ZFAT: variants seen among roughly 807,000 people sequenced by gnomAD.
ZFAT encodes zinc finger protein ZFAT.
In ZFAT, 64 loss-of-function variants were observed where a neutral mutation model predicts 117.7. That is an observed-to-expected ratio of 0.54 (90% CI 0.44 to 0.67). ZFAT has a LOEUF of 0.67. ZFAT is among the 30% of genes least tolerant of loss of function. The pLI is 0.00. For synonymous variants in ZFAT, 679 were observed against 615.0 expected (o/e 1.10, Z -1.54); for missense variants, 1,433 against 1,584.5 (o/e 0.90, Z 1.62).
chr8:134,743,587 G>T, the ZFAT span, among the ~76,000 whole-genome samples: 2 of 152,176 alleles, frequency 1.3e-5, no homozygotes, highest in Admixed American at 6.5e-5. Flanking sequence ...ATACCTAATT[G>T]CAGCAAAGTG....
At chr8:134,799,752 A>G in the ZFAT span, among the ~76,000 whole-genome samples, 1 of 152,196 alleles carries the variant, frequency 6.6e-6, no homozygotes, top group Non-Finnish European at 1.5e-5. Flanking sequence ...CAACAATATC[A>G]AAGATTCAAA....
intron 15 of ZFAT, among the ~76,000 whole-genome samples, chr8:134,487,285 C>T (rs1449168537): frequency 6.6e-6 from 1 of 152,156 alleles, no homozygotes; most frequent in East Asian, 1.9e-4. Flanking sequence ...ACTACTTGCC[C>T]CCTGGTTTAC....
At chr8:134,524,151 A>G (rs1820857314) in intron 12 of ZFAT, among the ~76,000 whole-genome samples, 1 of 151,978 alleles carries the variant, frequency 6.6e-6, no homozygotes, top group Non-Finnish European at 1.5e-5. Flanking sequence ...CTCTCCTTGG[A>G]CTTCTGCACC....
At chr8:134,777,451 G>A in the ZFAT span, among the ~76,000 whole-genome samples, 1 of 152,002 alleles carries the variant, frequency 6.6e-6, no homozygotes, top group African/African-American at 2.4e-5. Context: ...TAAGTCACAC[G>A]TACCTTGGCC....
the ZFAT span, among the ~76,000 whole-genome samples, chr8:134,747,996 T>G: frequency 2.0e-5 from 3 of 152,260 alleles, no homozygotes; most frequent in Admixed American, 6.5e-5. Context: ...TAGTTGGATC[T>G]GTCCATAATA....
intron 11 of ZFAT, among the ~76,000 whole-genome samples, chr8:134,553,983 G>C (rs1362650477): frequency 6.6e-6 from 1 of 152,194 alleles, no homozygotes; most frequent in Non-Finnish European, 1.5e-5. Context: ...CTCTCATGGG[G>C]ACAGTCCCAA....
chr8:134,558,334 T>A (rs1455819783), intron 11 of ZFAT, among the ~76,000 whole-genome samples: 1 of 152,336 alleles, frequency 6.6e-6, no homozygotes, highest in Non-Finnish European at 1.5e-5. Context: ...GAGACATTCC[T>A]TCTGGTCTGT....
intron 1 of ZFAT, among the ~76,000 whole-genome samples, chr8:134,667,448 G>A (rs1272730602): frequency 7.8e-5 from 11 of 140,724 alleles, no homozygotes; most frequent in East Asian, 4.2e-4. Flanking sequence ...AGCTGGGATC[G>A]CACCACTGCA....
chr8:134,581,549 CCT>C (rs1208373931), intron 10 of ZFAT, among the ~76,000 whole-genome samples: 1 of 152,150 alleles, frequency 6.6e-6, no homozygotes, highest in African/African-American at 2.4e-5. Context: ...TTCCAGTGGT[CCT>C]CTCATTGCAC....
At chr8:134,582,100 TCTGAA>T (rs1334298926) in intron 10 of ZFAT, among the ~76,000 whole-genome samples, 1 of 152,238 alleles carries the variant, frequency 6.6e-6, no homozygotes, top group African/African-American at 2.4e-5. Flanking sequence ...TCTTTGTCCA[TCTGAA>T]CTCCCTTTCC....
the ZFAT span, among the ~76,000 whole-genome samples, chr8:134,775,613 A>G: frequency 2.0e-5 from 3 of 152,008 alleles, no homozygotes; most frequent in Non-Finnish European, 4.4e-5. Flanking sequence ...CTTGGCAAAT[A>G]CTCCCAAGAC....
Position 134,588,363 on chromosome 8 carries a change from C to A in ZFAT, c.2596G>T (p.Gly866Trp), listed in dbSNP as rs761903357. Residue 866 changes from glycine (G) to tryptophan (W), a missense_variant, in exon 9 of 16, where the codon GGG becomes TGG. Around this residue, in one of 5 missense-constraint regions of ZFAT, gnomAD observed 503 missense variants for 543.4 expected, o/e 0.93. Coordinates refer to ENST00000377838, the MANE Select transcript of ZFAT (RefSeq NM_020863.4). Reference protein sequence around the residue: ...VSMSTISEVLGRRVQLKGLIG... With the variant: ...VSMSTISEVLWRRVQLKGLIG... ...AGCCCTTTCAGCTGAACCCTCCTCC[C>A]GAGAACCTCAGAAATGGTGCTCATG... 6.3e-7 allele frequency: 1 copy of A among 1,593,474 alleles called. No homozygotes were observed. The highest frequency in any genetic ancestry group is 1.2e-5 in the South Asian group (1 of 86,918).
chr8:134,561,229 AG>A (rs1381515737), intron 11 of ZFAT, among the ~76,000 whole-genome samples: 3 of 152,254 alleles, frequency 2.0e-5, no homozygotes, highest in African/African-American at 4.8e-5. Context: ...CATTAAAACT[AG>A]TTTATAAATA....
the ZFAT span, among the ~76,000 whole-genome samples, chr8:134,730,019 G>C: frequency 6.6e-6 from 1 of 152,166 alleles, no homozygotes; most frequent in Non-Finnish European, 1.5e-5. Context: ...GACAGTGTTT[G>C]GGTCAGTTAG....
At chr8:134,570,231 T>C (rs1402761939) in intron 10 of ZFAT, among the ~76,000 whole-genome samples, 1 of 152,242 alleles carries the variant, frequency 6.6e-6, no homozygotes, top group Admixed American at 6.5e-5. Context: ...CACTGAGTCC[T>C]TTCAGACCAT....
chr8:134,493,416 G>C (rs1818197926), intron 15 of ZFAT, among the ~76,000 whole-genome samples: 1 of 152,222 alleles, frequency 6.6e-6, no homozygotes, highest in Non-Finnish European at 1.5e-5. Flanking sequence ...TGTAAGAAGA[G>C]GATGAAAAGG....
At chr8:134,562,342 A>C (rs551788631) in intron 11 of ZFAT, among the ~76,000 whole-genome samples, 1 of 152,360 alleles carries the variant, frequency 6.6e-6, no homozygotes, top group African/African-American at 2.4e-5. Flanking sequence ...ATCAATCTGA[A>C]CTATTTTAAG....
the ZFAT span, among the ~76,000 whole-genome samples, chr8:134,815,810 C>G: frequency 6.6e-6 from 1 of 152,220 alleles, no homozygotes; most frequent in African/African-American, 2.4e-5. Context: ...GAGGTCTTCC[C>G]TGACTACTTA....
At chr8:134,649,622 T>G (rs373850592) in intron 2 of ZFAT, among the ~76,000 whole-genome samples, 1 of 152,176 alleles carries the variant, frequency 6.6e-6, no homozygotes, top group Non-Finnish European at 1.5e-5. Flanking sequence ...TCGAAAAGAA[T>G]AGAATACTTA....
Sources: allele counts gnomAD v4.1 joint callset (sites outside exome capture counted in the v4.1 genomes callset), GRCh38; gene constraint gnomAD v4.1.1; regional missense constraint gnomAD v4.1.1; transcripts MANE v1.5; gene names NCBI Gene and HGNC (gene_info 2026-07-23, HGNC 2026-07-21).